Variants in PTPRD observed in about 807,000 individuals in gnomAD.
PTPRD encodes receptor-type tyrosine-protein phosphatase delta.
PTPRD carries 34 observed loss-of-function variants against 214.5 expected under a neutral mutation model. The ratio of observed to expected loss-of-function variants is 0.16; its 90% CI spans 0.12 to 0.21. The LOEUF (loss-of-function observed/expected upper bound fraction) is 0.21. Among genes scored for constraint, PTPRD ranks in the 10% least tolerant of loss-of-function variants. The pLI, the probability that PTPRD is intolerant of heterozygous loss-of-function variation, is 1.00. For synonymous variants in PTPRD, 1,128 were observed against 845.7 expected (o/e 1.33, Z -5.79); for missense variants, 2,545 against 2,398.7 (o/e 1.06, Z -1.27).
chr9:8,527,299 A>G (rs2074434690), intron 16 of PTPRD, 46 bp downstream of exon 16: 1 of 1,578,888 alleles, frequency 6.3e-7, no homozygotes, highest in East Asian at 2.2e-5. Flanking sequence ...TATTCTGGAT[A>G]TGGAAATTAG....
chr9:10,060,827 T>TCTTCCTTC (rs756969216), intron 3 of PTPRD, among the ~76,000 whole-genome samples: 2,399 of 119,756 alleles, frequency 0.02, 231 homozygotes, highest in African/African-American at 0.032. Flanking sequence ...TTTCTTTCTT[T>TCTTCCTTC]CTTCCTTCCT....
chr9:9,588,816 G>A (rs1442560508), intron 7 of PTPRD, among the ~76,000 whole-genome samples: 1 of 151,818 alleles, frequency 6.6e-6, no homozygotes, highest in Non-Finnish European at 1.5e-5. Context: ...AGTATAATGA[G>A]GAATTATTAA....
intron 5 of PTPRD, among the ~76,000 whole-genome samples, chr9:9,770,538 C>G (rs1458899878): frequency 6.6e-6 from 1 of 152,068 alleles, no homozygotes; most frequent in African/African-American, 2.4e-5. Context: ...TATTTTTTGT[C>G]ACCATTTAAT....
chr9:9,174,783 T>C (rs1026396923), intron 10 of PTPRD, among the ~76,000 whole-genome samples: 17 of 152,188 alleles, frequency 1.1e-4, no homozygotes, highest in African/African-American at 4.1e-4. Flanking sequence ...GTTATTATTT[T>C]TATAAATTTG....
chr9:10,548,442 T>C (rs577337376), intron 2 of PTPRD, among the ~76,000 whole-genome samples: 5 of 152,220 alleles, frequency 3.3e-5, no homozygotes, highest in Non-Finnish European at 7.4e-5. Flanking sequence ...TCAATCACTA[T>C]AGGAGCTTAA....
intron 2 of PTPRD, among the ~76,000 whole-genome samples, chr9:10,379,770 A>C (rs188585522): frequency 3.8e-3 from 586 of 152,208 alleles, no homozygotes; most frequent in Middle Eastern, 0.02. Flanking sequence ...ATATTAGAGA[A>C]ACATAATGTA....
At chr9:8,443,962 G>T (rs1324384910) in intron 34 of PTPRD, among the ~76,000 whole-genome samples, 1 of 151,972 alleles carries the variant, frequency 6.6e-6, no homozygotes, top group East Asian at 1.9e-4. Context: ...TCATCATTTT[G>T]CCCAATTCTA....
At chr9:8,356,278 T>C (rs1355457707) in intron 39 of PTPRD, among the ~76,000 whole-genome samples, 1 of 152,212 alleles carries the variant, frequency 6.6e-6, no homozygotes, top group East Asian at 1.9e-4. Context: ...TAAAAGTATT[T>C]TTCCAAAGAC....
At chr9:10,247,472 GGTTTTT>G (rs1441738175) in intron 3 of PTPRD, among the ~76,000 whole-genome samples, 1 of 151,914 alleles carries the variant, frequency 6.6e-6, no homozygotes, top group East Asian at 1.9e-4. Context: ...GTTTTAGTGG[GGTTTTT>G]ATTTTCATAA....
chr9:9,730,493 TC>T (rs2098169688), intron 7 of PTPRD, among the ~76,000 whole-genome samples: 1 of 152,088 alleles, frequency 6.6e-6, no homozygotes, highest in African/African-American at 2.4e-5. Context: ...GCAATTTATT[TC>T]CCCTTGGATT....
intron 9 of PTPRD, among the ~76,000 whole-genome samples, chr9:9,375,828 C>T (rs1596610504): frequency 6.6e-6 from 1 of 152,094 alleles, no homozygotes; most frequent in South Asian, 2.1e-4. Context: ...TATGAAAAGT[C>T]AGTTTGCGAT....
chr9:10,047,609 A>C (rs1476251083), intron 3 of PTPRD, among the ~76,000 whole-genome samples: 1 of 151,860 alleles, frequency 6.6e-6, no homozygotes, highest in Non-Finnish European at 1.5e-5. Flanking sequence ...CAACATTTAT[A>C]CCCCTGCCAA....
At chr9:8,673,337 G>A (rs1671157968) in intron 12 of PTPRD, among the ~76,000 whole-genome samples, 1 of 152,118 alleles carries the variant, frequency 6.6e-6, no homozygotes, top group Non-Finnish European at 1.5e-5. Flanking sequence ...CTAAGCTTGA[G>A]TTGGCTCCAT....
At chr9:8,405,576 C>G (rs1363560922) in intron 35 of PTPRD, among the ~76,000 whole-genome samples, 1 of 151,912 alleles carries the variant, frequency 6.6e-6, no homozygotes, top group Non-Finnish European at 1.5e-5. Flanking sequence ...TTTCCTGAAA[C>G]GTTATGGAAA....
intron 11 of PTPRD, among the ~76,000 whole-genome samples, chr9:8,799,189 G>C (rs1414628714): frequency 6.6e-6 from 1 of 152,186 alleles, no homozygotes; most frequent in Non-Finnish European, 1.5e-5. Flanking sequence ...ATAAATGCAT[G>C]TATTTATTTA....
At chr9:10,399,680 G>C (rs1587274334) in intron 2 of PTPRD, among the ~76,000 whole-genome samples, 2 of 151,866 alleles carry the variant, frequency 1.3e-5, no homozygotes, top group Admixed American at 6.6e-5. Context: ...TCAGAGATGA[G>C]GTGACATCTG....
At chr9:8,597,810 T>C (rs954016123) in intron 14 of PTPRD, among the ~76,000 whole-genome samples, 10 of 152,144 alleles carry the variant, frequency 6.6e-5, no homozygotes, top group Non-Finnish European at 1.5e-4. Context: ...AATACTCAGA[T>C]TTGTTTTTTC....
chr9:8,625,584 T>G (rs996506991), intron 14 of PTPRD, among the ~76,000 whole-genome samples: 4 of 151,788 alleles, frequency 2.6e-5, no homozygotes, highest in Non-Finnish European at 5.9e-5. Flanking sequence ...ATGATCAAAT[T>G]TTCAACCTGA....
intron 3 of PTPRD, among the ~76,000 whole-genome samples, chr9:10,300,177 C>T (rs918258014): frequency 2.0e-5 from 3 of 152,064 alleles, no homozygotes; most frequent in South Asian, 2.1e-4. Flanking sequence ...AAGTAAAATT[C>T]ACGTAGTATA....
Sources: allele counts gnomAD v4.1 joint callset (sites outside exome capture counted in the v4.1 genomes callset), GRCh38; gene constraint gnomAD v4.1.1; transcripts MANE v1.5; gene names NCBI Gene and HGNC (gene_info 2026-07-23, HGNC 2026-07-21).